Variants in CD48 observed in about 807,000 individuals in gnomAD.
CD48 encodes CD48 molecule, also known as CD48 antigen.
CD48 carries 20 observed loss-of-function variants against 22.0 expected under a neutral mutation model. The observed-to-expected ratio is 0.91, with a 90% CI of 0.64 to 1.32. CD48 has a LOEUF of 1.32. Ranked by LOEUF, CD48 falls within the 40% of genes most tolerant of loss-of-function variation. The pLI is 0.00. For missense variants in CD48, 307 were observed against 286.5 expected, an observed-to-expected ratio of 1.07 and a Z score of -0.52; for synonymous variants, 110 against 110.1, an observed-to-expected ratio of 1.00 and a Z score of 0.01.
chr1:160,704,257 A>G (rs532002581), intron 1 of CD48, among the ~76,000 whole-genome samples: 7 of 152,150 alleles, frequency 4.6e-5, no homozygotes, highest in Non-Finnish European at 1.0e-4. Context: ...CATATCTTAA[A>G]CATTAATTAG....
At chr1:160,681,061 C>A in intron 3 of CD48, 141 bp downstream of exon 3, 2 of 1,515,130 alleles carry the variant, frequency 1.3e-6, no homozygotes. Context: ...TGGCAGAACC[C>A]ACGTCTCCCA....
intron 1 of CD48, among the ~76,000 whole-genome samples, chr1:160,696,266 C>T (rs945922408): frequency 5.9e-5 from 9 of 152,406 alleles, no homozygotes; most frequent in East Asian, 3.9e-4. Context: ...AATATTATAT[C>T]AGATTCTGCA....
In CD48 at chr1:160,679,190, G is replaced by A; in HGVS notation, c.653-59C>T. On this transcript the variant is annotated intron_variant, in intron 3 of 3. Transcript: ENST00000368046. ...ATCTTTATCTTGACTAATGTATTGAGAAGGGGCAAGTGTACTGGACACTGG... is the reference window on the plus strand; with the variant it reads ...ATCTTTATCTTGACTAATGTATTGAAAAGGGGCAAGTGTACTGGACACTGG... 4.4e-6 allele frequency: 6 copies of A among 1,354,268 alleles called. No homozygotes were observed. The South Asian group carries it at 7.0e-5, about 16-fold the overall frequency. The allele number at this position is 1,354,268 out of a possible 1,614,324, so 83.9% of individuals were successfully genotyped here. A position where few individuals can be genotyped will look rare whatever the true frequency, so the allele number is the denominator to read the frequency against.
chr1:160,707,177 T>C (rs922798131), intron 1 of CD48, among the ~76,000 whole-genome samples: 3 of 152,128 alleles, frequency 2.0e-5, no homozygotes, highest in Admixed American at 1.3e-4. Context: ...AGATGGGAAC[T>C]ATAATGAGTT....
In CD48 at chr1:160,680,697, C is replaced by T. The variant is rs1471874203; in HGVS notation, c.652+505G>A. ...GGGAGGAGAAGCTTCGCCTGAGGCT[C>T]AGGCTCTCACGCCTCCTCGACGGCC... On this transcript the variant is annotated intron_variant, in intron 3 of 3. Transcript: ENST00000368046. 4 of 1,015,830 alleles carry T rather than the reference C, an allele frequency of 3.9e-6. No homozygotes were observed. The East Asian group carries it at 2.8e-4, about 70-fold the overall frequency. 62.9% of individuals were successfully genotyped at this position (1,015,830 alleles called of 1,614,324 possible).
chr1:160,687,270 CT>C (rs1438638462), intron 1 of CD48, among the ~76,000 whole-genome samples: 2 of 80,590 alleles, frequency 2.5e-5, no homozygotes, highest in South Asian at 2.9e-4. Flanking sequence ...TTATCTTGTT[CT>C]TTTTTCAAGG....
intron 3 of CD48, among the ~76,000 whole-genome samples, chr1:160,679,369 G>A (rs926821025): frequency 1.3e-5 from 2 of 152,184 alleles, no homozygotes; most frequent in African/African-American, 2.4e-5. Flanking sequence ...TGTGCTCAAA[G>A]GTTACCTCGA....
At chr1:160,698,102 G>A (rs1158469330) in intron 1 of CD48, among the ~76,000 whole-genome samples, 2 of 145,248 alleles carry the variant, frequency 1.4e-5, no homozygotes, top group Non-Finnish European at 3.0e-5. Flanking sequence ...TTATACTATC[G>A]ACCTAAATTC....
intron 2 of CD48, among the ~76,000 whole-genome samples, chr1:160,681,885 G>A (rs1019221918): frequency 9.2e-5 from 14 of 152,086 alleles, no homozygotes; most frequent in South Asian, 2.1e-4. Context: ...TCCAATTATC[G>A]GATTCAGCTT....
At chr1:160,685,276 G>A in intron 1 of CD48, 87 bp from the exon 2 acceptor site, 2 of 984,794 alleles carry the variant, frequency 2.0e-6, no homozygotes, top group Non-Finnish European at 1.5e-6. Context: ...GGTGGAACAG[G>A]TGAGAAGGAA....
chr1:160,703,947 ACAGT>A (rs1662714054), intron 1 of CD48, among the ~76,000 whole-genome samples: 1 of 152,288 alleles, frequency 6.6e-6, no homozygotes, highest in East Asian at 1.9e-4. Context: ...GTTGAGAGAC[ACAGT>A]CAGAGAGGGA....
intron 1 of CD48, among the ~76,000 whole-genome samples, chr1:160,689,140 C>T (rs185862360): frequency 3.3e-5 from 5 of 152,156 alleles, no homozygotes; most frequent in African/African-American, 1.2e-4. Flanking sequence ...CTGATGTTTT[C>T]GGAAGATAAG....
rs905692955 is a variant in CD48, at chr1:160,678,772, T to C, written c.*280A>G. 2 of 282,840 alleles carry C rather than the reference T, an allele frequency of 7.1e-6. No homozygotes were observed. The highest frequency in any genetic ancestry group is 6.5e-5 in the South Asian group (1 of 15,416). 17.5% of individuals were successfully genotyped at this position (282,840 alleles called of 1,614,324 possible). ...TCAGTTAATTGACAATTATATCAAA[T>C]GTTTATTTTAAAAAATAATAAAACA... On this transcript the variant is annotated 3_prime_UTR_variant, in exon 4 of 4. Transcript: ENST00000368046.
At chr1:160,692,638 C>A (rs1191026988) in intron 1 of CD48, among the ~76,000 whole-genome samples, 1 of 151,972 alleles carries the variant, frequency 6.6e-6, no homozygotes, top group Non-Finnish European at 1.5e-5. Flanking sequence ...CACTAGGAGA[C>A]AATCCTATGG....
rs143721644 is a variant in CD48, at chr1:160,681,421, C to G, written c.433G>C (p.Asp145His). 3 of 1,614,090 alleles carry G rather than the reference C, an allele frequency of 1.9e-6. No homozygotes were observed. Among genetic ancestry groups the G allele is most frequent in the Non-Finnish European group, 2.5e-6 (3 of 1,179,946 alleles). Reference protein sequence around the residue: ...VIKIEKIEDMDDNCYLKLSCV... With the variant: ...VIKIEKIEDMHDNCYLKLSCV... The stretch of plus-strand genomic sequence containing the variant: ...GACAGTTTCAGATAACAGTTGTCAT[C>G]CATGTCTTCTATCTTCTCAATTTTG... The change falls in exon 3 of 4, where the codon GAT becomes CAT. Residue 145 changes from aspartate to histidine, a missense_variant. Physicochemically the swap from Asp to His is moderately conservative, Grantham distance 81. Transcript: ENST00000368046.
chr1:160,711,590 G>T, intron 1 of CD48, 92 bp downstream of exon 1: 1 of 941,460 alleles, frequency 1.1e-6, no homozygotes, highest in Non-Finnish European at 1.7e-6. Context: ...CACCAGATCT[G>T]GCTTCTAGGG....
chr1:160,680,512 G>T (rs1310294176), intron 3 of CD48: 1 of 923,702 alleles, frequency 1.1e-6, no homozygotes, highest in Non-Finnish European at 1.3e-6. Flanking sequence ...AGTCCTAGAA[G>T]TGACCCCAGG....
chr1:160,700,237 A>G (rs1459584059), intron 1 of CD48, among the ~76,000 whole-genome samples: 1 of 152,204 alleles, frequency 6.6e-6, no homozygotes, highest in Non-Finnish European at 1.5e-5. Flanking sequence ...CATTTTTATA[A>G]AATCAAATAA....
At chr1:160,695,707 AG>A (rs1662394396) in intron 1 of CD48, among the ~76,000 whole-genome samples, 1 of 151,480 alleles carries the variant, frequency 6.6e-6, no homozygotes, top group African/African-American at 2.4e-5. Context: ...GCAAATAAAT[AG>A]AATAGATCCC....
Sources: gnomAD v4.1 joint callset for allele counts (sites outside exome capture counted in the v4.1 genomes callset) on GRCh38, gnomAD v4.1.1 for gene constraint, MANE v1.5 for transcripts, NCBI Gene and HGNC (gene_info 2026-07-23, HGNC 2026-07-21) for gene names.